The following PDE6B variants were observed in gnomAD, a reference collection of about 807,000 sequenced individuals.
PDE6B encodes the protein phosphodiesterase 6B, also known as rod cGMP-specific 3',5'-cyclic phosphodiesterase subunit beta.
PDE6B carries 106 observed loss-of-function variants against 109.0 expected under a neutral mutation model. That is an observed-to-expected ratio of 0.97 (90% CI 0.83 to 1.14). The LOEUF (loss-of-function observed/expected upper bound fraction) is 1.14, where lower values mean the gene tolerates loss of function less well. Among genes scored for constraint, PDE6B ranks in the 50% most tolerant of loss-of-function variants. The probability of loss-of-function intolerance (pLI) is 0.00; values close to 1 mark genes in which losing one functional copy is unlikely to be tolerated. For missense variants in PDE6B, 1,193 were observed against 1,155.6 expected (o/e 1.03, Z -0.47); for synonymous variants, 490 against 471.3 (o/e 1.04, Z -0.51).
rs1426150804 is a variant in PDE6B, at chr4:662,239, A to G, written c.1720A>G (p.Met574Val). The G allele has an allele frequency of 1.3e-6, 2 of 1,527,096 alleles. No homozygotes were observed. The highest frequency in any genetic ancestry group is 1.9e-5 in the Admixed American group (1 of 52,436). The allele number at this position is 1,527,096 out of a possible 1,614,324, so 94.6% of individuals were successfully genotyped here. ...NVAQTMFTLL[M>V]TGKLKSYYTD... ...GGCCCAGACGATGTTCACGCTGCTCATGGTACGTGGCTGCCAGAATCACCA... is the reference window on the plus strand; with the variant it reads ...GGCCCAGACGATGTTCACGCTGCTCGTGGTACGTGGCTGCCAGAATCACCA... The change falls in exon 13 of 22, where the codon ATG becomes GTG. Residue 574 changes from methionine to valine, a missense_variant and splice_region_variant. Transcript: ENST00000496514. This position sits in a 1 kb window ranked among gnomAD's most constrained non-coding sequence, Gnocchi z 4.3.
Position 636,399 on chromosome 4 carries a change from G to T in PDE6B, c.711+430G>T, listed in dbSNP as rs550748556. ...GCAGGTCCGGCCCTGGCTGAGAGAG[G>T]GTACGGGGGCAGGTCTGGCCCTGGC... On this transcript the variant is annotated intron_variant, in intron 3 of 21. Transcript: ENST00000496514. The surrounding 1 kb of genome is among the most constrained non-coding windows in gnomAD (Gnocchi z 4.5). 5.5e-4 allele frequency among the ~76,000 whole-genome samples: 83 copies of T among 152,238 alleles called. 1 individual carries two copies. Among genetic ancestry groups the T allele is most frequent in the African/African-American group, 1.9e-3 (79 of 41,558 alleles).
chr4:664,375 C>T (rs546930187), intron 17 of PDE6B, among the ~76,000 whole-genome samples, 154 bp downstream of exon 17: 1 of 152,284 alleles, frequency 6.6e-6, no homozygotes, highest in East Asian at 1.9e-4. Flanking sequence ...AATGCGCCGT[C>T]CTTATTTCCC....
chr4:632,748 T>C (rs1177586957), intron 1 of PDE6B, among the ~76,000 whole-genome samples: 1 of 151,826 alleles, frequency 6.6e-6, no homozygotes, highest in Non-Finnish European at 1.5e-5. Flanking sequence ...TCACGTTGTG[T>C]GGATCCATGT....
chr4:665,211 G>A lies in PDE6B; in HGVS notation c.2194-44G>A, dbSNP rs371570614. ...ACGGGGCGGGCCCGGGCCCTTCCGCGTGGGCTCAGAGCTCCACAGACAGCT... is the reference window on the plus strand; with the variant it reads ...ACGGGGCGGGCCCGGGCCCTTCCGCATGGGCTCAGAGCTCCACAGACAGCT... On this transcript the variant is annotated intron_variant, in intron 18 of 21. Transcript: ENST00000496514. The surrounding 1 kb of genome is among the most constrained non-coding windows in gnomAD (Gnocchi z 4.0). The A allele has an allele frequency of 1.6e-4, 237 of 1,482,788 alleles. No individual in the cohort carries two copies. The highest frequency in any genetic ancestry group is 2.0e-4 in the Non-Finnish European group (211 of 1,063,962). 91.9% of individuals were successfully genotyped at this position (1,482,788 alleles called of 1,614,324 possible). A position where few individuals can be genotyped will look rare whatever the true frequency, so the allele number is the denominator to read the frequency against.
intron 11 of PDE6B, 148 bp downstream of exon 11, chr4:659,165 G>T: frequency 1.4e-6 from 1 of 702,508 alleles, no homozygotes; most frequent in African/African-American, 1.7e-5. Flanking sequence ...GTGTATCTAA[G>T]CACCTTAGTG....
intron 3 of PDE6B, chr4:653,221 C>A: frequency 2.0e-6 from 2 of 1,009,890 alleles, no homozygotes; most frequent in Non-Finnish European, 2.4e-6. Flanking sequence ...GTAGAAGACC[C>A]AGCGGCCGCC....
At chr4:654,753 C>CTGTG (rs144362048) in intron 5 of PDE6B, 71 bp from the exon 6 acceptor site, 1 of 808,418 alleles carries the variant, frequency 1.2e-6, no homozygotes, top group East Asian at 2.5e-5. Flanking sequence ...CTGCATGTAG[C>CTGTG]TGTGTGTGTG....
intron 1 of PDE6B, among the ~76,000 whole-genome samples, chr4:627,181 C>G (rs1268554987): frequency 1.3e-5 from 2 of 149,596 alleles, no homozygotes; most frequent in Non-Finnish European, 3.0e-5. Flanking sequence ...GAGTCTTGCT[C>G]TGTCACCAGG....
chr4:665,127 G>A lies in PDE6B; in HGVS notation c.2194-128G>A. 1.2e-6 allele frequency: 1 copy of A among 834,460 alleles called. No individual in the cohort carries two copies. Among genetic ancestry groups the A allele is most frequent in the Non-Finnish European group, 2.0e-6 (1 of 488,976 alleles). 51.7% of individuals were successfully genotyped at this position (834,460 alleles called of 1,614,324 possible). A position where few individuals can be genotyped will look rare whatever the true frequency, so the allele number is the denominator to read the frequency against. ...AGTGTGTCTACATGGCTCAACCGGA[G>A]CCCTGTGTGGTGGGGACCCCGGGGG... On this transcript the variant is annotated intron_variant, in intron 18 of 21. Transcript: ENST00000496514. This position sits in a 1 kb window ranked among gnomAD's most constrained non-coding sequence, Gnocchi z 4.0.
chr4:663,018 G>A lies in PDE6B; in HGVS notation c.1833-82G>A. On this transcript the variant is annotated intron_variant, in intron 14 of 21. Coordinates refer to ENST00000496514, the MANE Select transcript of PDE6B (RefSeq NM_000283.4). The surrounding 1 kb of genome is among the most constrained non-coding windows in gnomAD (Gnocchi z 4.0). ...ACCCTGTCTCAAAAAAAAGAAAGTG[G>A]GGCCCATCTGGGGGGGCTGCAGAGC... is the stretch of plus-strand genomic sequence containing the variant. 1 of 817,608 alleles carries A rather than the reference G, an allele frequency of 1.2e-6. No individual in the cohort carries two copies. The highest frequency in any genetic ancestry group is 2.2e-6 in the Non-Finnish European group (1 of 455,626). The allele number at this position is 817,608 out of a possible 1,614,324, so 50.6% of individuals were successfully genotyped here. A position where few individuals can be genotyped will look rare whatever the true frequency, so the allele number is the denominator to read the frequency against.
rs377203362 is a variant in PDE6B, at chr4:660,624, C to A, written c.1614+11C>A. ...CAGATCCCCCAGGAGGTGGGAGACA[C>A]CGCAGGGCGCATAGTCAGGTCCCTG... On this transcript the variant is annotated intron_variant, in intron 12 of 21. Transcript: ENST00000496514. The A allele has an allele frequency of 1.9e-5, 31 of 1,612,682 alleles. No individual in the cohort carries two copies. Among genetic ancestry groups the A allele is most frequent in the Non-Finnish European group, 2.5e-5 (29 of 1,179,396 alleles).
intron 3 of PDE6B, among the ~76,000 whole-genome samples, chr4:651,307 A>AGG (rs1735528058): frequency 6.7e-6 from 1 of 148,622 alleles, no homozygotes; most frequent in African/African-American, 2.5e-5. Context: ...GCAGGGGCTG[A>AGG]CCCGTGGGGT....
In PDE6B at chr4:665,790, G is replaced by T. The variant is rs570696764; in HGVS notation, c.2268+461G>T. Among the ~76,000 whole-genome samples, 1 of 152,310 alleles carries T rather than the reference G, an allele frequency of 6.6e-6. No homozygotes were observed. Among genetic ancestry groups the T allele is most frequent in the East Asian group, 1.9e-4 (1 of 5,180 alleles). ...CAGCAGGAGAGGTGCCAGCAAATGG[G>T]AGAGTCAGGATAGGCGCCAGGAACA... On this transcript the variant is annotated intron_variant, in intron 19 of 21. Transcript: ENST00000496514. The surrounding 1 kb of genome is among the most constrained non-coding windows in gnomAD (Gnocchi z 4.0).
Position 655,696 on chromosome 4 carries a change from C to T in PDE6B, c.993-244C>T, listed in dbSNP as rs1577277541. 4.9e-6 allele frequency: 3 copies of T among 609,012 alleles called. No individual in the cohort carries two copies. The East Asian group carries it at 8.5e-5, about 17-fold the overall frequency. The allele number at this position is 609,012 out of a possible 1,614,324, so 37.7% of individuals were successfully genotyped here. A position where few individuals can be genotyped will look rare whatever the true frequency, so the allele number is the denominator to read the frequency against. Reference sequence around the variant, plus strand: ...GAGGATGGCACATGAGCCAGAGACCCCCAGACCCCTGCACACACGCCCAGT... The same window carrying T: ...GAGGATGGCACATGAGCCAGAGACCTCCAGACCCCTGCACACACGCCCAGT... On this transcript the variant is annotated intron_variant, in intron 6 of 21. Coordinates refer to ENST00000496514, the MANE Select transcript of PDE6B (RefSeq NM_000283.4).
Position 648,485 on chromosome 4 carries a change from AGCT to A in PDE6B, c.712-5365_712-5363del, listed in dbSNP as rs774366615. On this transcript the variant is annotated intron_variant, in intron 3 of 21. Transcript: ENST00000496514. The surrounding 1 kb of genome is among the most constrained non-coding windows in gnomAD (Gnocchi z 4.5). Reference sequence around the variant, plus strand: ...CCTCCTCCTTGAGCTGTGGAAGGAAAGCTGGTCACTGGGATTGAAGCAGCCTCT... The same window carrying A: ...CCTCCTCCTTGAGCTGTGGAAGGAAAGGTCACTGGGATTGAAGCAGCCTCT... 7.9e-5 allele frequency among the ~76,000 whole-genome samples: 12 copies of A among 152,172 alleles called. No homozygotes were observed. Among genetic ancestry groups the A allele is most frequent in the Non-Finnish European group, 1.5e-4 (10 of 68,022 alleles).
At chr4:668,108 C>T in intron 21 of PDE6B, 102 bp downstream of exon 21, 1 of 1,222,552 alleles carries the variant, frequency 8.2e-7, no homozygotes, top group Non-Finnish European at 1.2e-6. Flanking sequence ...AAAAGCAGAG[C>T]CACTTTCAAG....
chr4:654,324 C>CTCCAGGGATGGGGTG (rs1735926460), intron 5 of PDE6B, 170 bp downstream of exon 5: 1 of 715,348 alleles, frequency 1.4e-6, no homozygotes, highest in Non-Finnish European at 2.5e-6. Flanking sequence ...TGCTGCTGCA[C>CTCCAGGGATGGGGTG]TCCAGGGATG....
intron 3 of PDE6B, among the ~76,000 whole-genome samples, chr4:642,747 A>AAAAAAAAAAAAAAC: frequency 6.6e-6 from 1 of 151,636 alleles, no homozygotes; most frequent in Non-Finnish European, 1.5e-5. Context: ...AAAAAAAAAA[A>AAAAAAAAAAAAAAC]AAAGAATGCC....
chr4:638,968 C>A (rs934657308), intron 3 of PDE6B, among the ~76,000 whole-genome samples: 1 of 152,194 alleles, frequency 6.6e-6, no homozygotes, highest in East Asian at 1.9e-4. Flanking sequence ...GGGAGCCCAA[C>A]CCTCTGTTCC....
Sources: allele counts gnomAD v4.1 joint callset (sites outside exome capture counted in the v4.1 genomes callset), GRCh38; gene constraint gnomAD v4.1.1; non-coding constraint Gnocchi (gnomAD v3.1); transcripts MANE v1.5; gene names NCBI Gene and HGNC (gene_info 2026-07-23, HGNC 2026-07-21).